Variants in RANGAP1 observed in about 807,000 individuals in gnomAD.
RANGAP1 encodes the protein ran GTPase-activating protein 1.
Under a neutral mutation model 63.5 loss-of-function variants are expected in RANGAP1, and 38 were observed. The ratio of observed to expected loss-of-function variants is 0.60; its 90% CI spans 0.46 to 0.78. The LOEUF (loss-of-function observed/expected upper bound fraction) is 0.78. RANGAP1 is among the 30% of genes least tolerant of loss of function. The probability of loss-of-function intolerance (pLI) is 0.00; values close to 1 mark genes in which losing one functional copy is unlikely to be tolerated. For missense variants in RANGAP1, 630 were observed against 740.3 expected (o/e 0.85, Z 1.73); for synonymous variants, 329 against 310.5 (o/e 1.06, Z -0.63).
the RANGAP1 span, among the ~76,000 whole-genome samples, chr22:41,297,789 C>T: frequency 6.8e-6 from 1 of 148,138 alleles, no homozygotes; most frequent in Non-Finnish European, 1.5e-5. Flanking sequence ...CTCCCAGGTT[C>T]AAGCCATCCT....
chr22:41,257,411 T>C lies in RANGAP1; in HGVS notation c.774+537A>G, dbSNP rs2033906119. On this transcript the variant is annotated intron_variant, in intron 7 of 15. Coordinates refer to ENST00000356244, the MANE Select transcript of RANGAP1 (RefSeq NM_002883.4). The surrounding 1 kb of genome is among the most constrained non-coding windows in gnomAD (Gnocchi z 4.0). Reference sequence around the variant, plus strand: ...GCGGGGTCTTTGGCTCAACCCCATGTGGCCTGCACTTGGTACAAAGCCAAG... The same window carrying C: ...GCGGGGTCTTTGGCTCAACCCCATGCGGCCTGCACTTGGTACAAAGCCAAG... Among the ~76,000 whole-genome samples the C allele has an allele frequency of 6.6e-6, 1 of 152,136 alleles. No individual in the cohort carries two copies. The highest frequency in any genetic ancestry group is 1.5e-5 in the Non-Finnish European group (1 of 68,026).
the RANGAP1 span, among the ~76,000 whole-genome samples, chr22:41,298,731 G>A: frequency 6.6e-6 from 1 of 151,972 alleles, no homozygotes; most frequent in Non-Finnish European, 1.5e-5. Context: ...AAACTCCTGG[G>A]CTCAAGCGAT....
the RANGAP1 span, among the ~76,000 whole-genome samples, chr22:41,298,923 G>A: frequency 6.6e-6 from 1 of 152,182 alleles, no homozygotes; most frequent in Non-Finnish European, 1.5e-5. Context: ...CAGGGTCCCA[G>A]CATGGTCAGG....
At chr22:41,261,416 G>GC (rs757665281) in intron 6 of RANGAP1, 30 bp downstream of exon 6, 22 of 1,613,826 alleles carry the variant, frequency 1.4e-5, no homozygotes, top group Non-Finnish European at 1.9e-5. Context: ...CCTCAAGGCT[G>GC]CAGGGGCAGG....
chr22:41,249,682 G>T, intron 14 of RANGAP1, 47 bp downstream of exon 14: 1 of 1,575,904 alleles, frequency 6.3e-7, no homozygotes, highest in South Asian at 1.1e-5. Context: ...CTTCTGTGCA[G>T]ACCCCACCCA....
In RANGAP1 at chr22:41,254,453, T is replaced by G; in HGVS notation, c.1115A>C (p.Glu372Ala). 6.2e-7 allele frequency: 1 copy of G among 1,609,876 alleles called. No homozygotes were observed. The highest frequency in any genetic ancestry group is 8.5e-7 in the Non-Finnish European group (1 of 1,178,800). ...CTCCTCTTCTTCTGCTTCCTCTTCT[T>G]CCTCTTCTCCTTCCTCCTCCTCCTC... ...DEEEEEEGEE[E>A]EEEAEEEEEE... The change falls in exon 11 of 16, where the codon GAA (glutamate) becomes GCA (alanine). Residue 372 changes from glutamate to alanine, a missense_variant. This residue lies in a region of RANGAP1 where 428 missense variants were observed against 465.5 expected (regional missense o/e 0.92). Transcript: ENST00000356244.
At chr22:41,294,655 C>T in the RANGAP1 span, among the ~76,000 whole-genome samples, 3 of 143,730 alleles carry the variant, frequency 2.1e-5, no homozygotes, top group Non-Finnish European at 4.6e-5. Flanking sequence ...AGGAGCATCT[C>T]TGCCCGGCCG....
intron 3 of RANGAP1, among the ~76,000 whole-genome samples, chr22:41,272,137 T>C (rs2034875362): frequency 6.6e-6 from 1 of 152,212 alleles, no homozygotes. Context: ...TGTTAGGGCT[T>C]GATCCCATGT....
chr22:41,282,110 T>G (rs1468483524), intron 1 of RANGAP1: 2 of 151,470 alleles, frequency 1.3e-5, no homozygotes, highest in African/African-American at 4.9e-5. Flanking sequence ...GGTGACAGAG[T>G]AAAACCCTGT....
chr22:41,255,911 G>T, intron 10 of RANGAP1, 110 bp downstream of exon 10: 1 of 1,107,752 alleles, frequency 9.0e-7, no homozygotes, highest in Non-Finnish European at 1.3e-6. Context: ...CCGAGATCAC[G>T]CCACTGTACT....
intron 6 of RANGAP1, among the ~76,000 whole-genome samples, chr22:41,260,362 G>A (rs551605580): frequency 6.6e-5 from 10 of 152,264 alleles, no homozygotes; most frequent in African/African-American, 2.2e-4. Context: ...GCCCCCACCA[G>A]CTCCAGAGGA....
At chr22:41,263,759 C>A (rs939211241) in intron 5 of RANGAP1, among the ~76,000 whole-genome samples, 1 of 152,202 alleles carries the variant, frequency 6.6e-6, no homozygotes, top group East Asian at 1.9e-4. Flanking sequence ...CTGGCTAAGG[C>A]AGGCACAGAG....
At chr22:41,262,639 G>T (rs2034240131) in intron 5 of RANGAP1, among the ~76,000 whole-genome samples, 1 of 152,198 alleles carries the variant, frequency 6.6e-6, no homozygotes, top group African/African-American at 2.4e-5. Flanking sequence ...TGACTCCACG[G>T]TGGTGATGGT....
intron 3 of RANGAP1, among the ~76,000 whole-genome samples, chr22:41,270,962 G>C (rs372889382): frequency 1.3e-5 from 2 of 152,132 alleles, no homozygotes; most frequent in South Asian, 2.1e-4. Flanking sequence ...TAGGACTCTA[G>C]GGCACACCGC....
intron 2 of RANGAP1, 59 bp downstream of exon 2, chr22:41,280,874 G>T: frequency 6.2e-7 from 1 of 1,607,862 alleles, no homozygotes; most frequent in Middle Eastern, 1.7e-4. Context: ...ACCAGTAAGA[G>T]TTCAGTACAC....
At chr22:41,291,125 C>T (rs934503891), upstream of RANGAP1, among the ~76,000 whole-genome samples, 1 of 152,242 alleles carries the variant, frequency 6.6e-6, no homozygotes, top group African/African-American at 2.4e-5. Flanking sequence ...TTCATTTGTT[C>T]TACAAATAGT....
Position 41,257,793 on chromosome 22 carries a change from G to A in RANGAP1, c.774+155C>T, listed in dbSNP as rs1375054401. Among the ~76,000 whole-genome samples, 2 of 152,220 alleles carry A rather than the reference G, an allele frequency of 1.3e-5. No individual in the cohort carries two copies. Among genetic ancestry groups the A allele is most frequent in the African/African-American group, 4.8e-5 (2 of 41,464 alleles). ...ACCTTGGGACCTGCAACCCTGTTCA[G>A]GACATGTTCAAAGAGCTGGAGCCAT... is the stretch of plus-strand genomic sequence containing the variant. On this transcript the variant is annotated intron_variant, in intron 7 of 15. Coordinates refer to ENST00000356244, the MANE Select transcript of RANGAP1 (RefSeq NM_002883.4). The surrounding 1 kb of genome is among the most constrained non-coding windows in gnomAD (Gnocchi z 4.0).
At position 41,264,718 on chromosome 22, in the gene RANGAP1, G is replaced by A; in HGVS notation, c.426C>T (p.Phe142=). Residue 142 remains phenylalanine (F), a synonymous_variant, in exon 5 of 16, where the codon TTC becomes TTT. Coordinates refer to ENST00000356244, the MANE Select transcript of RANGAP1 (RefSeq NM_002883.4). ...FEALLKSSAC[F]TLQELKLNNC... ...TGTTGAGCTTGAGTTCCTGCAGGGT[G>A]AAGCAGGCTGAGCTCTTGAGCAGGG... is the stretch of plus-strand genomic sequence containing the variant. The A allele has an allele frequency of 6.2e-7, 1 of 1,614,026 alleles. No homozygotes were observed. The highest frequency in any genetic ancestry group is 8.5e-7 in the Non-Finnish European group (1 of 1,179,844).
chr22:41,281,522 A>G, intron 1 of RANGAP1: 2 of 990,696 alleles, frequency 2.0e-6, no homozygotes, highest in Non-Finnish European at 2.4e-6. Context: ...ACAGATGGCT[A>G]TGGGATCCAG....
Sources: allele counts gnomAD v4.1 joint callset (sites outside exome capture counted in the v4.1 genomes callset), GRCh38; gene constraint gnomAD v4.1.1; regional missense constraint gnomAD v4.1.1; non-coding constraint Gnocchi (gnomAD v3.1); transcripts MANE v1.5; gene names NCBI Gene and HGNC (gene_info 2026-07-23, HGNC 2026-07-21).